The following TLN2 variants were observed in gnomAD, a reference collection of about 807,000 sequenced individuals.
TLN2 encodes talin-2.
Under a neutral mutation model 294.7 loss-of-function variants are expected in TLN2, and 118 were observed. That is an observed-to-expected ratio of 0.40 (90% CI 0.34 to 0.47). TLN2 has a LOEUF of 0.47. Ranked by LOEUF, TLN2 falls within the 20% of genes least tolerant of loss-of-function variation. The pLI, the probability that TLN2 is intolerant of heterozygous loss-of-function variation, is 0.84. For synonymous variants in TLN2, 1,431 were observed against 1,304.5 expected, an observed-to-expected ratio of 1.10 and a Z score of -2.09; for missense variants, 3,083 against 3,282.2, an observed-to-expected ratio of 0.94 and a Z score of 1.48.
intron 37 of TLN2, among the ~76,000 whole-genome samples, chr15:62,761,382 G>A (rs199648179): frequency 1.3e-5 from 2 of 152,164 alleles, no homozygotes; most frequent in African/African-American, 2.4e-5. Context: ...AGGGGGTCAC[G>A]GGGCGTTGAA....
intron 2 of TLN2, among the ~76,000 whole-genome samples, chr15:62,595,995 G>T (rs952931451): frequency 1.3e-5 from 2 of 152,130 alleles, no homozygotes; most frequent in Non-Finnish European, 2.9e-5. Flanking sequence ...TGTATTCTTG[G>T]CCAGGCGCGG....
At chr15:62,460,386 T>C (rs978112257) in intron 1 of TLN2, among the ~76,000 whole-genome samples, 2 of 151,470 alleles carry the variant, frequency 1.3e-5, no homozygotes, top group Admixed American at 1.3e-4. Flanking sequence ...TGCCTCAGCC[T>C]CCCTAGTAGC....
At chr15:62,431,543 G>C (rs893711163) in intron 1 of TLN2, among the ~76,000 whole-genome samples, 1 of 152,162 alleles carries the variant, frequency 6.6e-6, no homozygotes, top group Non-Finnish European at 1.5e-5. Flanking sequence ...GGTTTCTCAG[G>C]GTTTGTGCCT....
chr15:62,807,553 G>T (rs143270286), intron 51 of TLN2, among the ~76,000 whole-genome samples: 25 of 152,322 alleles, frequency 1.6e-4, no homozygotes, highest in African/African-American at 5.5e-4. Flanking sequence ...AGCTACAGAC[G>T]TGAACAGGGG....
intron 37 of TLN2, among the ~76,000 whole-genome samples, chr15:62,757,627 T>C (rs535673783): frequency 1.5e-4 from 23 of 152,286 alleles, no homozygotes; most frequent in African/African-American, 5.1e-4. Context: ...CTCCTCACAG[T>C]GTCAAACCCT....
Position 62,616,310 on chromosome 15 carries a change from T to C in TLN2, c.-161-2041T>C, listed in dbSNP as rs28688997. Among the ~76,000 whole-genome samples, 388 of 152,382 alleles carry C rather than the reference T, an allele frequency of 2.5e-3. 4 individuals are homozygous for C. Among genetic ancestry groups the C allele is most frequent in the African/African-American group, 9.1e-3 (378 of 41,594 alleles). ...TGCTCTTATGTCATGTCTGTTTTAT[T>C]TGTCCTGTAGAGCCCGAGGATGTAA... On this transcript the variant is annotated intron_variant, in intron 2 of 58. Coordinates refer to ENST00000636159, the MANE Select transcript of TLN2 (RefSeq NM_015059.3).
chr15:62,748,291 T>C (rs2061726312), intron 32 of TLN2, 60 bp from the exon 33 acceptor site: 5 of 1,269,878 alleles, frequency 3.9e-6, no homozygotes, highest in South Asian at 3.7e-5. Flanking sequence ...CTGCAAAGCA[T>C]TGTAGGGGAA....
rs775264403 is a variant in TLN2 at position 62,768,037 on chromosome 15, G to A, written c.5196+1615G>A. 3.3e-5 allele frequency among the ~76,000 whole-genome samples: 5 copies of A among 152,204 alleles called. No individual in the cohort carries two copies. In the South Asian group the frequency reaches 8.3e-4, roughly 25 times the overall value. On this transcript the variant is annotated intron_variant, in intron 41 of 58. Transcript: ENST00000636159. The stretch of plus-strand genomic sequence containing the variant: ...TAAAAGAGAATTTTGGACAGAGGCA[G>A]TCGGTGCGCCCTCTATCCAGAAGAG...
At chr15:62,456,065 T>TA (rs778821800) in intron 1 of TLN2, among the ~76,000 whole-genome samples, 2,758 of 133,182 alleles carry the variant, frequency 0.021, 69 homozygotes, top group African/African-American at 0.062. Flanking sequence ...GTAAGACTCT[T>TA]AAAAAAAAAA....
chr15:62,701,685 G>A (rs2058730224), intron 17 of TLN2, among the ~76,000 whole-genome samples: 1 of 152,178 alleles, frequency 6.6e-6, no homozygotes, highest in Non-Finnish European at 1.5e-5. Context: ...AGCCTTTCAG[G>A]AGCAGAGTTG....
chr15:62,770,375 C>T (rs2063280017), intron 41 of TLN2, among the ~76,000 whole-genome samples: 1 of 152,230 alleles, frequency 6.6e-6, no homozygotes, highest in African/African-American at 2.4e-5. Flanking sequence ...GGAAAGAGGC[C>T]TGTGCGGAGG....
At chr15:62,825,244 C>G (rs781528185) in intron 54 of TLN2, among the ~76,000 whole-genome samples, 2 of 152,166 alleles carry the variant, frequency 1.3e-5, no homozygotes, top group Non-Finnish European at 2.9e-5. Context: ...GGTTTTGAGT[C>G]CAGTTACATT....
intron 32 of TLN2, among the ~76,000 whole-genome samples, chr15:62,741,701 C>T (rs2061326670): frequency 7.5e-6 from 1 of 133,646 alleles, no homozygotes; most frequent in Non-Finnish European, 1.6e-5. Flanking sequence ...AAAAGCATAG[C>T]TTTGATTCTG....
chr15:62,530,296 G>A lies in TLN2; in HGVS notation c.-237-59391G>A, dbSNP rs183349655. On this transcript the variant is annotated intron_variant, in intron 1 of 58. Coordinates refer to ENST00000636159, the MANE Select transcript of TLN2 (RefSeq NM_015059.3). ...GAAATTCCTAAAAGTAGAATTTTTGGGTCAAAGGAATATAAATGTATTTGT... is the reference window on the plus strand; with the variant it reads ...GAAATTCCTAAAAGTAGAATTTTTGAGTCAAAGGAATATAAATGTATTTGT... Among the ~76,000 whole-genome samples the A allele has an allele frequency of 8.5e-5, 13 of 152,106 alleles. No individual in the cohort carries two copies. In the East Asian group the frequency reaches 2.1e-3, roughly 25 times the overall value.
intron 1 of TLN2, among the ~76,000 whole-genome samples, chr15:62,437,771 G>C (rs75482159): frequency 0.027 from 4,130 of 151,940 alleles, 77 homozygotes; most frequent in Middle Eastern, 0.058. Context: ...GTGTGTGTGT[G>C]TGTCTGTCTG....
At chr15:62,839,984 TCA>T (rs542187312) in intron 58 of TLN2, among the ~76,000 whole-genome samples, 29 of 152,290 alleles carry the variant, frequency 1.9e-4, no homozygotes, top group African/African-American at 5.8e-4. Context: ...CTTCCTCAGA[TCA>T]CACCTTGAAA....
chr15:62,740,525 T>A, intron 31 of TLN2, 105 bp from the exon 32 acceptor site: 1 of 1,505,360 alleles, frequency 6.6e-7, no homozygotes, highest in Admixed American at 1.8e-5. Flanking sequence ...ATGTGATCTA[T>A]ACGGATAACC....
intron 3 of TLN2, among the ~76,000 whole-genome samples, chr15:62,645,968 T>C (rs2051777047): frequency 6.6e-6 from 1 of 152,146 alleles, no homozygotes; most frequent in African/African-American, 2.4e-5. Flanking sequence ...GAGACTGGCT[T>C]GGGTTAAGTG....
chr15:62,551,245 A>T (rs189557045), intron 1 of TLN2, among the ~76,000 whole-genome samples: 91 of 152,244 alleles, frequency 6.0e-4, no homozygotes, highest in African/African-American at 2.0e-3. Context: ...ACTGCTCACC[A>T]CCTACTGTGT....
Sources: gnomAD v4.1 joint callset for allele counts (sites outside exome capture counted in the v4.1 genomes callset) on GRCh38, gnomAD v4.1.1 for gene constraint, MANE v1.5 for transcripts, NCBI Gene and HGNC (gene_info 2026-07-23, HGNC 2026-07-21) for gene names.